Variants in MAPK9 observed in about 807,000 individuals in gnomAD.
MAPK9 encodes the protein Jun kinase.
A neutral mutation model predicts 57.1 loss-of-function variants in MAPK9; 30 were observed. The ratio of observed to expected loss-of-function variants is 0.53; its 90% CI spans 0.39 to 0.71. The LOEUF is 0.71. Ranked by LOEUF, MAPK9 falls within the 30% of genes least tolerant of loss-of-function variation. MAPK9 has a pLI of 0.00. For missense variants in MAPK9, 362 were observed against 521.0 expected (o/e 0.69, Z 2.97); for synonymous variants, 155 against 177.0 (o/e 0.88, Z 0.99).
intron 5 of MAPK9, among the ~76,000 whole-genome samples, chr5:180,256,776 C>T (rs1759338978): frequency 6.6e-6 from 1 of 152,158 alleles, no homozygotes; most frequent in Non-Finnish European, 1.5e-5. Flanking sequence ...CTCACAAAGC[C>T]CCCAGTGACA....
At chr5:180,265,660 T>C (rs1012847717) in intron 3 of MAPK9, among the ~76,000 whole-genome samples, 54 of 152,186 alleles carry the variant, frequency 3.5e-4, no homozygotes, top group African/African-American at 1.2e-3. Context: ...GTCTTGGGTA[T>C]CTCTTTATGG....
intron 2 of MAPK9, among the ~76,000 whole-genome samples, chr5:180,276,637 C>T (rs1213101677): frequency 2.0e-5 from 3 of 152,152 alleles, no homozygotes; most frequent in South Asian, 2.1e-4. Flanking sequence ...GGGCAGATCA[C>T]GAGATCAAGA....
At chr5:180,243,000 A>C (rs1002016059) in intron 7 of MAPK9, 2 of 388,274 alleles carry the variant, frequency 5.2e-6, no homozygotes, top group African/African-American at 4.1e-5. Flanking sequence ...AAGTCTACAC[A>C]CCTTCCCACT....
intron 11 of MAPK9, chr5:180,237,257 C>T (rs1274604236): frequency 6.6e-6 from 1 of 152,236 alleles, no homozygotes; most frequent in Non-Finnish European, 1.5e-5. Flanking sequence ...ATGCTTGACA[C>T]ATACGTCATG....
At chr5:180,285,274 C>G (rs778879597) in intron 1 of MAPK9, among the ~76,000 whole-genome samples, 12 of 152,208 alleles carry the variant, frequency 7.9e-5, no homozygotes, top group Admixed American at 1.3e-4. Context: ...CCCAGCATGG[C>G]TCAGATTTGA....
chr5:180,238,602 CTTCTTCTT>C (rs1757386253), intron 10 of MAPK9, among the ~76,000 whole-genome samples, 199 bp from the exon 11 acceptor site: 1 of 133,350 alleles, frequency 7.5e-6, no homozygotes, highest in Non-Finnish European at 1.6e-5. Flanking sequence ...TTCTTTTCTT[CTTCTTCTT>C]TTTTTTTTTT....
rs111651365 is a variant in MAPK9 at position 180,271,576 on chromosome 5, C to T, written c.123-2167G>A. Among the ~76,000 whole-genome samples, 485 of 152,304 alleles carry T rather than the reference C, an allele frequency of 3.2e-3. 2 individuals carry two copies. The highest frequency in any genetic ancestry group is 6.1e-3 in the Non-Finnish European group (416 of 68,014). ...TTACGTAAAATGAGACTGTTCCATC[C>T]CTTTCTCCTCCATTTACCATATATT... On this transcript the variant is annotated intron_variant, in intron 2 of 11. Transcript: ENST00000452135.
At chr5:180,253,793 T>C (rs957172919) in intron 5 of MAPK9, 2 of 152,150 alleles carry the variant, frequency 1.3e-5, no homozygotes, top group Non-Finnish European at 2.9e-5. Flanking sequence ...CAGGCTTACA[T>C]CCCTCCACCA....
At position 180,259,335 on chromosome 5, in the gene MAPK9, C is replaced by T. The variant is rs147818541; in HGVS notation, c.450+2349G>A. 1.1e-3 allele frequency among the ~76,000 whole-genome samples: 127 copies of T among 117,306 alleles called. 1 individual carries two copies. The highest frequency in any genetic ancestry group is 6.3e-3 in the Middle Eastern group (1 of 158). 77.0% of individuals were successfully genotyped at this position (117,306 alleles called of 152,430 possible). ...AGTCTTCAGACATTCCAGTTCTCTA[C>T]GTAAACATGAAAGAACTCACACTGG... On this transcript the variant is annotated intron_variant, in intron 5 of 11. Coordinates refer to ENST00000452135, the MANE Select transcript of MAPK9 (RefSeq NM_002752.5).
At chr5:180,281,820 T>A (rs898312794) in intron 1 of MAPK9, among the ~76,000 whole-genome samples, 1 of 152,240 alleles carries the variant, frequency 6.6e-6, no homozygotes, top group South Asian at 2.1e-4. Flanking sequence ...GTGGCTGCAG[T>A]GTGGCTGCCA....
chr5:180,239,801 G>C, intron 10 of MAPK9, 123 bp downstream of exon 10: 1 of 842,810 alleles, frequency 1.2e-6, no homozygotes, highest in Non-Finnish European at 2.0e-6. Flanking sequence ...GGAGAAAGAG[G>C]CTAAGTGGGT....
chr5:180,236,483 C>T lies in MAPK9; in HGVS notation c.1176G>A (p.Ser392=), dbSNP rs200820257. 19 of 1,613,820 alleles carry T rather than the reference C, an allele frequency of 1.2e-5. No individual in the cohort carries two copies. Among genetic ancestry groups the T allele is most frequent in the South Asian group, 2.2e-5 (2 of 91,058 alleles). ...SSNATPSQSS[S]INDISSMSTE... ...TGGACATGGATGAAATGTCATTGAT[C>T]GATGAAGACTGAGAAGGAGTGGCGT... The change falls in exon 12 of 12, where the codon TCG becomes TCA. Residue 392 remains serine, a synonymous_variant. Transcript: ENST00000452135.
intron 4 of MAPK9, among the ~76,000 whole-genome samples, chr5:180,262,624 C>T (rs1017192844): frequency 1.3e-5 from 2 of 151,570 alleles, no homozygotes; most frequent in Non-Finnish European, 2.9e-5. Flanking sequence ...TTAGTAGAGA[C>T]GGGGTTTTGC....
At chr5:180,241,708 T>C (rs11955223) in intron 8 of MAPK9, among the ~76,000 whole-genome samples, 74,686 of 152,202 alleles carry the variant, frequency 0.49, 18,705 homozygotes, top group African/African-American at 0.52. Context: ...AAACCTGGGC[T>C]CCCAGGGTGG....
chr5:180,255,733 T>G (rs1361203185), intron 5 of MAPK9, among the ~76,000 whole-genome samples: 2 of 152,016 alleles, frequency 1.3e-5, no homozygotes, highest in Non-Finnish European at 2.9e-5. Context: ...AGGCCGAGGG[T>G]GAGGGCTGGG....
rs148710250 is a variant in MAPK9 at position 180,269,343 on chromosome 5, G to A, written c.189C>T (p.Asn63=). Residue 63 remains asparagine (N), a synonymous_variant, in exon 3 of 12, where the codon AAC becomes AAT. Transcript: ENST00000452135. Reference sequence around the variant, plus strand: ...GATAAGCTCTCTTTGCATGAGTTTGGTTCTGAAAAGGACGGCTTAGTTTCT... The same window carrying A: ...GATAAGCTCTCTTTGCATGAGTTTGATTCTGAAAAGGACGGCTTAGTTTCT... ...AVKKLSRPFQ[N]QTHAKRAYRE... is the part of the protein sequence containing the mutation. 1.6e-5 allele frequency: 26 copies of A among 1,613,932 alleles called. No homozygotes were observed. In the East Asian group the frequency reaches 5.3e-4, roughly 33 times the overall value.
At chr5:180,251,271 C>T (rs1285296070) in intron 5 of MAPK9, among the ~76,000 whole-genome samples, 1 of 152,122 alleles carries the variant, frequency 6.6e-6, no homozygotes, top group East Asian at 1.9e-4. Context: ...AAGCCCAGCC[C>T]ACCCAGAACT....
chr5:180,277,129 T>C (rs889454373), intron 2 of MAPK9, among the ~76,000 whole-genome samples: 2 of 152,268 alleles, frequency 1.3e-5, no homozygotes, highest in Non-Finnish European at 2.9e-5. Flanking sequence ...ACACTGTTGC[T>C]GTTATATTTC....
At chr5:180,242,961 T>G (rs1757780683) in intron 7 of MAPK9, 1 of 448,600 alleles carries the variant, frequency 2.2e-6, no homozygotes, top group East Asian at 3.2e-5. Flanking sequence ...TCATAAACTA[T>G]GATCACAGTT....
Sources: allele counts gnomAD v4.1 joint callset (sites outside exome capture counted in the v4.1 genomes callset), GRCh38; gene constraint gnomAD v4.1.1; transcripts MANE v1.5; gene names NCBI Gene and HGNC (gene_info 2026-07-23, HGNC 2026-07-21).